IQCM: variants seen among roughly 807,000 people sequenced by gnomAD.
IQCM encodes the protein IQ domain-containing protein M.
Under a neutral mutation model 57.6 loss-of-function variants are expected in IQCM, and 45 were observed. The observed-to-expected ratio is 0.78, with a 90% CI of 0.62 to 1.00. The LOEUF is 1.00. Among genes scored for constraint, IQCM ranks in the 50% least tolerant of loss-of-function variants. The probability of loss-of-function intolerance (pLI) is 0.00; values close to 1 mark genes in which losing one functional copy is unlikely to be tolerated. For missense variants in IQCM, 468 were observed against 511.6 expected (o/e 0.91, Z 0.82); for synonymous variants, 148 against 158.9 (o/e 0.93, Z 0.51).
At chr4:149,357,989 G>A (rs966520493) in intron 13 of IQCM, among the ~76,000 whole-genome samples, 7 of 152,164 alleles carry the variant, frequency 4.6e-5, no homozygotes, top group African/African-American at 7.2e-5. Context: ...TGTATGTGTC[G>A]AGGAATTTAT....
intron 12 of IQCM, among the ~76,000 whole-genome samples, chr4:149,470,925 A>C (rs1739456291): frequency 6.6e-6 from 1 of 152,236 alleles, no homozygotes; most frequent in Non-Finnish European, 1.5e-5. Context: ...ATTAATGAGA[A>C]CAAAGACACA....
chr4:149,523,081 C>G (rs1230819665), intron 12 of IQCM, among the ~76,000 whole-genome samples: 1 of 152,102 alleles, frequency 6.6e-6, no homozygotes, highest in Non-Finnish European at 1.5e-5. Context: ...AGTGAGGGAG[C>G]AATTGCTTCC....
Position 149,643,352 on chromosome 4 carries a change from T to C in IQCM, c.566-22108A>G, listed in dbSNP as rs182510201. Among the ~76,000 whole-genome samples the C allele has an allele frequency of 9.9e-5, 15 of 152,268 alleles. No individual in the cohort carries two copies. In the East Asian group the frequency reaches 2.9e-3, roughly 29 times the overall value. On this transcript the variant is annotated intron_variant, in intron 7 of 13. Coordinates refer to ENST00000636793, the MANE Select transcript of IQCM (RefSeq NM_001363507.2). ...TACCATCTAATGGGGAAAAGTAAAT[T>C]TTAAAAATTCACTATCACTTTGTGC...
At chr4:149,771,930 T>C (rs544031488) in intron 2 of IQCM, among the ~76,000 whole-genome samples, 1 of 152,316 alleles carries the variant, frequency 6.6e-6, no homozygotes, top group South Asian at 2.1e-4. Context: ...TTTAGTAGGA[T>C]GACCCTATGT....
intron 12 of IQCM, among the ~76,000 whole-genome samples, chr4:149,481,696 G>GTTTTGTTTTTTTTTTTTGTTTTTTGTT (rs1553975358): frequency 2.3e-3 from 76 of 33,600 alleles, no homozygotes; most frequent in Non-Finnish European, 2.8e-3. Flanking sequence ...GATTCTTCCA[G>GTTTTGTTTTTTTTTTTTGTTTTTTGTT]TTTTGTTTTT....
At chr4:149,666,102 G>A (rs888908788) in intron 7 of IQCM, 1 of 152,330 alleles carries the variant, frequency 6.6e-6, no homozygotes, top group Admixed American at 6.5e-5. Context: ...CACCTTGTGT[G>A]AGTCAATACT....
chr4:149,661,166 A>G (rs942242475), intron 7 of IQCM, among the ~76,000 whole-genome samples: 1 of 152,092 alleles, frequency 6.6e-6, no homozygotes, highest in African/African-American at 2.4e-5. Context: ...TTTATCAGGA[A>G]ATGATGTTGA....
chr4:149,749,858 C>G (rs1177007448), intron 2 of IQCM, among the ~76,000 whole-genome samples: 1 of 152,092 alleles, frequency 6.6e-6, no homozygotes, highest in African/African-American at 2.4e-5. Flanking sequence ...TAAAAGCCAC[C>G]AAGATCTGTG....
At chr4:149,613,679 A>G (rs1200739536) in intron 8 of IQCM, among the ~76,000 whole-genome samples, 2 of 151,956 alleles carry the variant, frequency 1.3e-5, no homozygotes, top group Admixed American at 1.3e-4. Context: ...TTAACTCGTC[A>G]TTTAACATTA....
chr4:149,503,049 CA>C (rs564980235), intron 12 of IQCM, among the ~76,000 whole-genome samples: 2,003 of 148,012 alleles, frequency 0.014, 22 homozygotes, highest in Non-Finnish European at 0.022. Context: ...TCCAACTCTA[CA>C]AAAAAAAAAT....
At chr4:149,444,763 A>G (rs1736323152) in intron 12 of IQCM, among the ~76,000 whole-genome samples, 1 of 151,958 alleles carries the variant, frequency 6.6e-6, no homozygotes, top group African/African-American at 2.4e-5. Context: ...TACATAGCAA[A>G]TTGAGAGAAG....
chr4:149,492,978 T>C (rs563622331), intron 12 of IQCM, among the ~76,000 whole-genome samples: 2 of 152,120 alleles, frequency 1.3e-5, no homozygotes, highest in Non-Finnish European at 2.9e-5. Context: ...GTGTTCCTGA[T>C]GTCCATCTTG....
chr4:149,483,428 T>C (rs1741127531), intron 12 of IQCM, among the ~76,000 whole-genome samples: 1 of 151,828 alleles, frequency 6.6e-6, no homozygotes, highest in South Asian at 2.1e-4. Context: ...CCCTCCTTAG[T>C]ATTGGTTTTG....
chr4:149,538,152 A>T (rs1276039307), intron 12 of IQCM, among the ~76,000 whole-genome samples: 1 of 151,604 alleles, frequency 6.6e-6, no homozygotes, highest in Non-Finnish European at 1.5e-5. Context: ...CTCCTTTCAA[A>T]AGTATATTAT....
intron 12 of IQCM, among the ~76,000 whole-genome samples, chr4:149,504,737 A>C (rs1243793855): frequency 6.6e-6 from 1 of 152,090 alleles, no homozygotes; most frequent in Non-Finnish European, 1.5e-5. Flanking sequence ...AATATGGTAA[A>C]TCCTGTCTCT....
At chr4:149,713,119 C>T (rs981941736) in intron 5 of IQCM, among the ~76,000 whole-genome samples, 2 of 152,178 alleles carry the variant, frequency 1.3e-5, no homozygotes, top group African/African-American at 4.8e-5. Flanking sequence ...TGAAACAACA[C>T]TGCTGCTTGA....
chr4:149,716,401 C>G (rs1765001899), intron 5 of IQCM, among the ~76,000 whole-genome samples: 1 of 152,162 alleles, frequency 6.6e-6, no homozygotes, highest in African/African-American at 2.4e-5. Flanking sequence ...GAGAGGCCAG[C>G]CAGCAGGAAC....
At chr4:149,773,387 T>C (rs930342240) in intron 2 of IQCM, among the ~76,000 whole-genome samples, 21 of 151,556 alleles carry the variant, frequency 1.4e-4, no homozygotes, top group Non-Finnish European at 3.1e-4. Flanking sequence ...ATCCACCAAA[T>C]AGATCGAATA....
chr4:149,358,326 A>C (rs1262392111), intron 13 of IQCM, among the ~76,000 whole-genome samples: 2 of 151,856 alleles, frequency 1.3e-5, no homozygotes, highest in Non-Finnish European at 1.5e-5. Flanking sequence ...TAGTTCTTTT[A>C]ATTGTGATGT....
Sources: gnomAD v4.1 joint callset for allele counts (sites outside exome capture counted in the v4.1 genomes callset) on GRCh38, gnomAD v4.1.1 for gene constraint, MANE v1.5 for transcripts, NCBI Gene and HGNC (gene_info 2026-07-23, HGNC 2026-07-21) for gene names.